Variants in RFX2 observed in about 807,000 individuals in gnomAD.
RFX2 encodes the protein regulatory factor X2.
A neutral mutation model predicts 87.8 loss-of-function variants in RFX2; 20 were observed. The observed-to-expected ratio is 0.23, with a 90% confidence interval of 0.16 to 0.33. RFX2 has a LOEUF of 0.33. Among genes scored for constraint, RFX2 ranks in the 10% least tolerant of loss-of-function variants. The pLI, the probability that RFX2 is intolerant of heterozygous loss-of-function variation, is 1.00. For missense variants in RFX2, 767 were observed against 1,012.3 expected, an observed-to-expected ratio of 0.76 and a Z score of 3.29; for synonymous variants, 397 against 431.3, an observed-to-expected ratio of 0.92 and a Z score of 0.98.
At chr19:5,996,050 A>C (rs1487457771) in intron 16 of RFX2, among the ~76,000 whole-genome samples, 1 of 152,256 alleles carries the variant, frequency 6.6e-6, no homozygotes, top group Non-Finnish European at 1.5e-5. Flanking sequence ...CAATGTGCAG[A>C]GAACAGGCGG....
At chr19:6,009,929 A>AT (rs1328554675) in intron 9 of RFX2, among the ~76,000 whole-genome samples, 4 of 152,140 alleles carry the variant, frequency 2.6e-5, no homozygotes, top group Admixed American at 2.0e-4. Context: ...TTATATATTA[A>AT]TTTTTTTGGC....
chr19:6,109,555 C>T (rs2088273339), intron 1 of RFX2, among the ~76,000 whole-genome samples: 1 of 152,086 alleles, frequency 6.6e-6, no homozygotes, highest in African/African-American at 2.4e-5. Flanking sequence ...AAAAGGGGGT[C>T]CCCGGGACAA....
chr19:6,097,503 T>G (rs1040882388), intron 1 of RFX2, among the ~76,000 whole-genome samples: 1 of 152,180 alleles, frequency 6.6e-6, no homozygotes, highest in Admixed American at 6.5e-5. Context: ...CCACCGGGCT[T>G]TTACAAGGAT....
rs2087351084 is a variant in RFX2, at chr19:6,056,881, G to A, written c.-8-9377C>T. Among the ~76,000 whole-genome samples, 1 of 152,190 alleles carries A rather than the reference G, an allele frequency of 6.6e-6. No individual in the cohort carries two copies. Among genetic ancestry groups the A allele is most frequent in the South Asian group, 2.1e-4 (1 of 4,834 alleles). The stretch of plus-strand genomic sequence containing the variant: ...CGGAACAGCCAATATAAAGGGGAGG[G>A]GCCGCAACACGACCTGTCACCCAGC... On this transcript the variant is annotated intron_variant, in intron 1 of 17. Coordinates refer to ENST00000303657, the MANE Select transcript of RFX2 (RefSeq NM_000635.4). This position sits in a 1 kb window ranked among gnomAD's most constrained non-coding sequence, Gnocchi z 4.6.
chr19:6,046,951 A>G (rs1371023434), intron 2 of RFX2, among the ~76,000 whole-genome samples: 2 of 146,078 alleles, frequency 1.4e-5, no homozygotes, highest in African/African-American at 5.1e-5. Context: ...TTTTTTTTAG[A>G]GAAAGGGTCT....
At chr19:6,069,501 C>T (rs865855724) in intron 1 of RFX2, among the ~76,000 whole-genome samples, 2 of 152,140 alleles carry the variant, frequency 1.3e-5, no homozygotes, top group Non-Finnish European at 2.9e-5. Context: ...CTAGTTAAAA[C>T]CATAAGACTA....
intron 1 of RFX2, among the ~76,000 whole-genome samples, chr19:6,092,816 G>A (rs150465839): frequency 1.5e-3 from 222 of 152,264 alleles, no homozygotes; most frequent in South Asian, 8.9e-3. Context: ...CTCCTGGAGG[G>A]TGGGGACACA....
In RFX2 at chr19:6,010,061, T is replaced by C. The variant is rs1179679878; in HGVS notation, c.1015+75A>G. The C allele has an allele frequency of 1.2e-6, 1 of 859,228 alleles. No homozygotes were observed. The highest frequency in any genetic ancestry group is 1.8e-6 in the Non-Finnish European group (1 of 543,026). 53.2% of individuals were successfully genotyped at this position (859,228 alleles called of 1,614,324 possible). On this transcript the variant is annotated intron_variant, in intron 9 of 17. Transcript: ENST00000303657. This position sits in a 1 kb window ranked among gnomAD's most constrained non-coding sequence, Gnocchi z 5.0. ...GAAGCAGACGCTTAGACACCACTGG[T>C]TCTGCTGGTGTTGAAACCCAGGAGT... is the stretch of plus-strand genomic sequence containing the variant.
intron 1 of RFX2, among the ~76,000 whole-genome samples, chr19:6,109,780 G>A (rs1192374129): frequency 6.6e-6 from 1 of 151,616 alleles, no homozygotes; most frequent in East Asian, 2.0e-4. Context: ...CCATCTCAGA[G>A]ATCTGGGGAG....
At chr19:6,037,617 AT>A (rs2144757651) in intron 5 of RFX2, among the ~76,000 whole-genome samples, 1 of 152,346 alleles carries the variant, frequency 6.6e-6, no homozygotes, top group African/African-American at 2.4e-5. Flanking sequence ...TTCAGTGCAA[AT>A]TAGTCAAAAT....
At chr19:6,036,595 A>G (rs972259910) in intron 5 of RFX2, among the ~76,000 whole-genome samples, 22 of 152,262 alleles carry the variant, frequency 1.4e-4, no homozygotes, top group African/African-American at 4.1e-4. Context: ...TTGAAAGTCA[A>G]TCAATGCAAT....
At position 5,998,532 on chromosome 19, in the gene RFX2, G is replaced by A. The variant is rs1395819689; in HGVS notation, c.1860-1319C>T. The stretch of plus-strand genomic sequence containing the variant: ...AGAAAGGCAAAGACAGCCGCACTAT[G>A]AAGACCACCAAAGCTGTCTATCCTT... On this transcript the variant is annotated intron_variant, in intron 15 of 17. Coordinates refer to ENST00000303657, the MANE Select transcript of RFX2 (RefSeq NM_000635.4). The surrounding 1 kb of genome is among the most constrained non-coding windows in gnomAD (Gnocchi z 4.2). Among the ~76,000 whole-genome samples, 3 of 152,208 alleles carry A rather than the reference G, an allele frequency of 2.0e-5. No individual in the cohort carries two copies. Among genetic ancestry groups the A allele is most frequent in the Non-Finnish European group, 4.4e-5 (3 of 68,036 alleles).
chr19:6,107,169 G>A (rs1398427866), intron 1 of RFX2, among the ~76,000 whole-genome samples: 3 of 152,076 alleles, frequency 2.0e-5, no homozygotes, highest in Admixed American at 6.6e-5. Context: ...GGTGGCAGGC[G>A]CCTGTAGTCC....
At chr19:6,109,807 G>A (rs368335111) in intron 1 of RFX2, among the ~76,000 whole-genome samples, 1 of 151,772 alleles carries the variant, frequency 6.6e-6, no homozygotes, top group East Asian at 1.9e-4. Flanking sequence ...TGAGGAGAGG[G>A]TCCCCAAGCG....
intron 1 of RFX2, chr19:6,073,122 G>A: frequency 2.3e-6 from 1 of 444,216 alleles, no homozygotes; most frequent in Non-Finnish European, 4.1e-6. Context: ...TGGGATTACA[G>A]GCTCCCACCA....
intron 1 of RFX2, chr19:6,073,373 G>A (rs1310338337): frequency 1.2e-5 from 16 of 1,301,654 alleles, no homozygotes; most frequent in East Asian, 4.8e-5. Flanking sequence ...GGTCCCCAGC[G>A]TCAAGGAGCT....
intron 2 of RFX2, among the ~76,000 whole-genome samples, chr19:6,046,067 C>T (rs941488088): frequency 2.0e-5 from 3 of 152,156 alleles, no homozygotes; most frequent in South Asian, 2.1e-4. Flanking sequence ...GGTGGTCACA[C>T]GGCCACAGTG....
chr19:6,098,886 G>C (rs2088067935), intron 1 of RFX2, among the ~76,000 whole-genome samples: 1 of 146,986 alleles, frequency 6.8e-6, no homozygotes, highest in African/African-American at 2.5e-5. Flanking sequence ...CTCTGCCACT[G>C]CTCGTGGCCC....
At chr19:6,048,422 A>G (rs1029441024) in intron 1 of RFX2, among the ~76,000 whole-genome samples, 1 of 152,238 alleles carries the variant, frequency 6.6e-6, no homozygotes, top group African/African-American at 2.4e-5. Context: ...AACAGTCTTC[A>G]CTTTTAAATA....
Sources: gnomAD v4.1 joint callset for allele counts (sites outside exome capture counted in the v4.1 genomes callset) on GRCh38, gnomAD v4.1.1 for gene constraint, Gnocchi (gnomAD v3.1) non-coding constraint, MANE v1.5 for transcripts, NCBI Gene and HGNC (gene_info 2026-07-23, HGNC 2026-07-21) for gene names.